The following EHMT1 variants were observed in gnomAD, a reference collection of about 807,000 sequenced individuals.
The protein encoded by EHMT1 is histone-lysine N-methyltransferase EHMT1.
EHMT1 carries 15 observed loss-of-function variants against 147.2 expected under a neutral mutation model. The ratio of observed to expected loss-of-function variants is 0.10; its 90% CI spans 0.07 to 0.16. The LOEUF (loss-of-function observed/expected upper bound fraction) is 0.16. EHMT1 is among the 10% of genes least tolerant of loss of function. EHMT1 has a pLI of 1.00. For missense variants in EHMT1, 1,587 were observed against 1,772.4 expected (o/e 0.90, Z 1.88); for synonymous variants, 795 against 709.6 (o/e 1.12, Z -1.91).
chr9:137,721,868 C>T (rs891150832), intron 3 of EHMT1, among the ~76,000 whole-genome samples: 5 of 152,154 alleles, frequency 3.3e-5, no homozygotes, highest in Admixed American at 2.0e-4. Flanking sequence ...TTTCACAGAG[C>T]AAAGGTGTTT....
In EHMT1 at chr9:137,776,568, A is replaced by G. The variant is rs761103175; in HGVS notation, c.1792-50A>G. 6.3e-7 allele frequency: 1 copy of G among 1,591,508 alleles called. No individual in the cohort carries two copies. Among genetic ancestry groups the G allele is most frequent in the South Asian group, 1.1e-5 (1 of 90,236 alleles). On this transcript the variant is annotated intron_variant, in intron 11 of 26. Transcript: ENST00000460843. The surrounding 1 kb of genome is among the most constrained non-coding windows in gnomAD (Gnocchi z 4.4). ...GTTTAGTAGTACTTTATTTTTCTAA[A>G]TATTAACCCCAATTAAAACAAAAAT...
intron 3 of EHMT1, among the ~76,000 whole-genome samples, chr9:137,725,037 T>TG (rs1296347450): frequency 2.8e-5 from 4 of 144,712 alleles, no homozygotes; most frequent in Non-Finnish European, 4.5e-5. Flanking sequence ...GTGGCCTTCG[T>TG]GGGGCATTCG....
intron 10 of EHMT1, among the ~76,000 whole-genome samples, chr9:137,772,475 G>A (rs1250341723): frequency 1.3e-5 from 2 of 152,234 alleles, no homozygotes; most frequent in African/African-American, 4.8e-5. Flanking sequence ...GCCAGGTGGG[G>A]TGCCTAGCTG....
intron 1 of EHMT1, among the ~76,000 whole-genome samples, chr9:137,639,527 C>T (rs1320506657): frequency 1.3e-5 from 2 of 152,166 alleles, no homozygotes; most frequent in Non-Finnish European, 2.9e-5. Flanking sequence ...TTACATCTGC[C>T]TGGGTGTTTT....
intron 1 of EHMT1, among the ~76,000 whole-genome samples, chr9:137,702,218 C>T (rs1943900014): frequency 6.6e-6 from 1 of 152,230 alleles, no homozygotes; most frequent in Admixed American, 6.5e-5. Flanking sequence ...CATTTCAAAA[C>T]ACAAATATGC....
chr9:137,770,547 G>T (rs1027069432), intron 10 of EHMT1, among the ~76,000 whole-genome samples: 2 of 152,198 alleles, frequency 1.3e-5, no homozygotes, highest in African/African-American at 2.4e-5. Flanking sequence ...GGGGGAAGAA[G>T]GGGCTGCCCT....
chr9:137,700,110 TG>T (rs1373902394), intron 1 of EHMT1, among the ~76,000 whole-genome samples: 3 of 152,242 alleles, frequency 2.0e-5, no homozygotes, highest in Non-Finnish European at 2.9e-5. Context: ...GTGAGGTCAC[TG>T]GCATGAATAT....
At chr9:137,713,551 G>A (rs992873860) in intron 2 of EHMT1, among the ~76,000 whole-genome samples, 53 of 151,630 alleles carry the variant, frequency 3.5e-4, no homozygotes, top group African/African-American at 1.2e-3. Context: ...GATTACAGGC[G>A]TGAACCACTG....
Position 137,791,227 on chromosome 9 carries a change from C to T in EHMT1, c.2505+257C>T, listed in dbSNP as rs201769659. Among the ~76,000 whole-genome samples the T allele has an allele frequency of 3.5e-4, 54 of 152,248 alleles. No homozygotes were observed. In the East Asian group the frequency reaches 9.5e-3, roughly 27 times the overall value. ...GGTTTGCTGTGCAGAAGGTGTTCGC[C>T]TTACAGTACATCGTCTCACCCTGTC... is the stretch of plus-strand genomic sequence containing the variant. On this transcript the variant is annotated intron_variant, in intron 16 of 26. Transcript: ENST00000460843.
At chr9:137,622,121 C>G (rs1044762505) in intron 1 of EHMT1, among the ~76,000 whole-genome samples, 1 of 137,208 alleles carries the variant, frequency 7.3e-6, no homozygotes, top group African/African-American at 2.7e-5. Context: ...CCCCCTCCCC[C>G]CTTTTTTTTC....
Position 137,802,217 on chromosome 9 carries a change from G to C in EHMT1, c.2712+1233G>C, listed in dbSNP as rs78379036. Among the ~76,000 whole-genome samples, 186 of 152,300 alleles carry C rather than the reference G, an allele frequency of 1.2e-3. 3 individuals carry two copies. The East Asian group carries it at 0.018, about 14-fold the overall frequency. On this transcript the variant is annotated intron_variant, in intron 18 of 26. Transcript: ENST00000460843. ...GGGCACGACAGCAAGGGGCGAGGGG[G>C]TACTCTGGTCACCTCCCAAGACGGG...
intron 1 of EHMT1, among the ~76,000 whole-genome samples, chr9:137,686,897 A>AT (rs941536916): frequency 1.3e-5 from 2 of 151,622 alleles, no homozygotes; most frequent in East Asian, 1.9e-4. Context: ...CGCCCAGCTA[A>AT]TTTTTTGTAT....
At chr9:137,768,718 T>C (rs1470027884) in intron 10 of EHMT1, among the ~76,000 whole-genome samples, 1 of 150,962 alleles carries the variant, frequency 6.6e-6, no homozygotes, top group Non-Finnish European at 1.5e-5. Context: ...CCCGGCTAAT[T>C]TTTTGTATTT....
chr9:137,675,818 C>T (rs951636016), intron 1 of EHMT1, among the ~76,000 whole-genome samples: 2 of 117,604 alleles, frequency 1.7e-5, no homozygotes, highest in Non-Finnish European at 3.2e-5. Flanking sequence ...GAGTCTCGCT[C>T]TGTCGCCCAG....
At chr9:137,702,034 T>A (rs1354985828) in intron 1 of EHMT1, among the ~76,000 whole-genome samples, 2 of 152,096 alleles carry the variant, frequency 1.3e-5, no homozygotes, top group African/African-American at 2.4e-5. Context: ...CCTCAGGTGA[T>A]CTACTCGCCT....
At chr9:137,831,437 A>G (rs1295468812) in intron 25 of EHMT1, among the ~76,000 whole-genome samples, 1 of 152,172 alleles carries the variant, frequency 6.6e-6, no homozygotes, top group African/African-American at 2.4e-5. Flanking sequence ...TTTATCTCAA[A>G]TAATGTTGCG....
At chr9:137,738,822 A>G (rs1947792717) in intron 4 of EHMT1, 1 of 152,256 alleles carries the variant, frequency 6.6e-6, no homozygotes, top group South Asian at 2.1e-4. Flanking sequence ...CATTCCACTT[A>G]AAGGAGGTCC....
At chr9:137,766,023 C>G (rs1188210881) in intron 10 of EHMT1, among the ~76,000 whole-genome samples, 1 of 151,944 alleles carries the variant, frequency 6.6e-6, no homozygotes, top group African/African-American at 2.4e-5. Flanking sequence ...AATGGGAGGT[C>G]GAGGCAGAAG....
intron 1 of EHMT1, among the ~76,000 whole-genome samples, chr9:137,709,661 GC>G (rs1944527107): frequency 8.1e-6 from 1 of 123,310 alleles, no homozygotes; most frequent in Admixed American, 8.7e-5. Context: ...CCGGGTTTTT[GC>G]AGCCTCTTCT....
Sources: gnomAD v4.1 joint callset for allele counts (sites outside exome capture counted in the v4.1 genomes callset) on GRCh38, gnomAD v4.1.1 for gene constraint, Gnocchi (gnomAD v3.1) non-coding constraint, MANE v1.5 for transcripts, NCBI Gene and HGNC (gene_info 2026-07-23, HGNC 2026-07-21) for gene names.